Variants in ARHGAP26 observed in about 807,000 individuals in gnomAD.
ARHGAP26 encodes the protein Rho GTPase activating protein 26, also known as rho GTPase-activating protein 26.
In ARHGAP26, 38 loss-of-function variants were observed where a neutral mutation model predicts 104.8. The observed-to-expected ratio is 0.36, with a 90% confidence interval of 0.28 to 0.48. The LOEUF (loss-of-function observed/expected upper bound fraction) is 0.48, where lower values mean the gene tolerates loss of function less well. Among genes scored for constraint, ARHGAP26 ranks in the 20% least tolerant of loss-of-function variants. The probability of loss-of-function intolerance (pLI) is 0.99; values close to 1 mark genes in which losing one functional copy is unlikely to be tolerated. For synonymous variants in ARHGAP26, 341 were observed against 340.0 expected (o/e 1.00, Z -0.03); for missense variants, 704 against 947.9 (o/e 0.74, Z 3.38).
intron 20 of ARHGAP26, among the ~76,000 whole-genome samples, chr5:143,164,734 A>AT: frequency 6.6e-6 from 1 of 152,310 alleles, no homozygotes; most frequent in South Asian, 2.1e-4. Context: ...CCATAACCTG[A>AT]GTGTTCCTGA....
intron 11 of ARHGAP26, among the ~76,000 whole-genome samples, chr5:143,008,028 T>G (rs1253383451): frequency 1.3e-5 from 2 of 152,226 alleles, no homozygotes; most frequent in African/African-American, 2.4e-5. Flanking sequence ...AGAAGAGGCT[T>G]TTTGTTTTGT....
At chr5:143,060,230 G>A (rs1028905709) in intron 17 of ARHGAP26, among the ~76,000 whole-genome samples, 2 of 152,178 alleles carry the variant, frequency 1.3e-5, no homozygotes, top group African/African-American at 4.8e-5. Context: ...TGGTTTCAGG[G>A]CTGATTCTGC....
At chr5:142,974,579 G>GT (rs1388501533) in intron 11 of ARHGAP26, among the ~76,000 whole-genome samples, 1 of 152,206 alleles carries the variant, frequency 6.6e-6, no homozygotes, top group Non-Finnish European at 1.5e-5. Flanking sequence ...ATTAACTCAT[G>GT]TAAAGTGTTT....
At chr5:143,134,249 G>A (rs1322867386) in intron 19 of ARHGAP26, 144 bp downstream of exon 19, 10 of 983,782 alleles carry the variant, frequency 1.0e-5, no homozygotes, top group Non-Finnish European at 1.1e-5. Flanking sequence ...GCCCTCCCAA[G>A]TGCCTTTGCT....
intron 1 of ARHGAP26, among the ~76,000 whole-genome samples, chr5:142,792,484 C>T (rs186871351): frequency 1.3e-5 from 2 of 152,334 alleles, no homozygotes; most frequent in Non-Finnish European, 2.9e-5. Flanking sequence ...TATTTTTGCT[C>T]ACACAGATGC....
intron 20 of ARHGAP26, among the ~76,000 whole-genome samples, chr5:143,191,982 A>G (rs35225426): frequency 0.046 from 7,077 of 152,328 alleles, 554 homozygotes; most frequent in African/African-American, 0.16. Flanking sequence ...CCTGTCTGCC[A>G]GCAGTCTTAC....
intron 10 of ARHGAP26, chr5:142,921,562 A>G (rs186355178): frequency 2.9e-3 from 491 of 167,218 alleles, no homozygotes; most frequent in Non-Finnish European, 4.7e-3. Context: ...AAGATTGGTG[A>G]AAGTCAGAAT....
intron 12 of ARHGAP26, among the ~76,000 whole-genome samples, chr5:143,034,951 CT>C (rs1419402139): frequency 2.0e-5 from 3 of 152,252 alleles, no homozygotes; most frequent in Non-Finnish European, 4.4e-5. Flanking sequence ...TTTATTTATA[CT>C]GGGAAAAACA....
intron 17 of ARHGAP26, among the ~76,000 whole-genome samples, chr5:143,100,806 A>AGAGGCCC (rs1793106401): frequency 1.3e-5 from 2 of 152,338 alleles, no homozygotes; most frequent in South Asian, 4.1e-4. Flanking sequence ...GGACTCAAAT[A>AGAGGCCC]GAGGCCATGC....
At chr5:142,864,010 A>G (rs13185255) in intron 1 of ARHGAP26, among the ~76,000 whole-genome samples, 25,402 of 150,854 alleles carry the variant, frequency 0.17, 3,147 homozygotes, top group East Asian at 0.51. Flanking sequence ...CCATTCTTAG[A>G]CCTCTATCTC....
At chr5:142,949,707 G>A (rs1261755804) in intron 11 of ARHGAP26, among the ~76,000 whole-genome samples, 2 of 152,144 alleles carry the variant, frequency 1.3e-5, no homozygotes, top group Non-Finnish European at 2.9e-5. Flanking sequence ...AGAGTGGGAG[G>A]GAGGTAGCTG....
intron 10 of ARHGAP26, among the ~76,000 whole-genome samples, chr5:142,931,765 C>T (rs528833981): frequency 7.9e-5 from 12 of 152,284 alleles, no homozygotes; most frequent in African/African-American, 2.2e-4. Context: ...AATTGAACAA[C>T]GTCTAAAGGC....
rs532332665 is a variant in ARHGAP26, at chr5:143,031,779, G to C, written c.1145-5417G>C. On this transcript the variant is annotated intron_variant, in intron 12 of 22. Coordinates refer to ENST00000645722, the MANE Select transcript of ARHGAP26 (RefSeq NM_001135608.3). ...AGTCTTGCCCAGGCTGGAGTGCAGT[G>C]GTGCAGTCTCGGCTTACTGCAGTCT... Among the ~76,000 whole-genome samples, 374 of 152,126 alleles carry C rather than the reference G, an allele frequency of 2.5e-3. 1 individual carries two copies. The highest frequency in any genetic ancestry group is 8.3e-3 in the African/African-American group (343 of 41,488).
chr5:142,942,811 C>T (rs1300442162), intron 11 of ARHGAP26, among the ~76,000 whole-genome samples: 1 of 152,138 alleles, frequency 6.6e-6, no homozygotes, highest in East Asian at 1.9e-4. Flanking sequence ...GACAGAGTCT[C>T]ACTCTGTTGC....
At chr5:142,946,273 T>C (rs1368224963) in intron 11 of ARHGAP26, among the ~76,000 whole-genome samples, 2 of 152,182 alleles carry the variant, frequency 1.3e-5, no homozygotes, top group East Asian at 1.9e-4. Context: ...TACAGTTTGT[T>C]ATCTGTATTG....
chr5:142,890,944 G>GCATGTATACTATTTTGATAT (rs1562025865), intron 5 of ARHGAP26, among the ~76,000 whole-genome samples: 3 of 151,732 alleles, frequency 2.0e-5, no homozygotes, highest in African/African-American at 4.9e-5. Flanking sequence ...TCCTTATAGG[G>GCATGTATACTATTTTGATAT]ATTTCCTTCT....
chr5:143,110,135 C>T (rs1041684719), intron 17 of ARHGAP26, among the ~76,000 whole-genome samples: 5 of 152,220 alleles, frequency 3.3e-5, no homozygotes, highest in Non-Finnish European at 7.3e-5. Flanking sequence ...ATGTCCTTGA[C>T]CACCAGTCTA....
intron 5 of ARHGAP26, among the ~76,000 whole-genome samples, chr5:142,888,901 C>T (rs1758092513): frequency 1.3e-5 from 2 of 152,108 alleles, no homozygotes; most frequent in South Asian, 2.1e-4. Context: ...GAATGGTTGA[C>T]GGGTTTAATC....
In ARHGAP26 at chr5:142,917,453, A is replaced by G. The variant is rs148437981; in HGVS notation, c.1028+4160A>G. ...CAGGCTGTGAAATCTGGGAAGTGCT[A>G]TTGGCACCCTGTCAGTTGCATTTGG... On this transcript the variant is annotated intron_variant, in intron 10 of 22. Transcript: ENST00000645722. Among the ~76,000 whole-genome samples, 109 of 152,324 alleles carry G rather than the reference A, an allele frequency of 7.2e-4. 1 individual carries two copies. The highest frequency in any genetic ancestry group is 2.4e-3 in the African/African-American group (98 of 41,556).
Sources: allele counts gnomAD v4.1 joint callset (sites outside exome capture counted in the v4.1 genomes callset), GRCh38; gene constraint gnomAD v4.1.1; transcripts MANE v1.5; gene names NCBI Gene and HGNC (gene_info 2026-07-23, HGNC 2026-07-21).